The following OPCML variants were observed in gnomAD, a reference collection of about 807,000 sequenced individuals.
The protein encoded by OPCML is opioid binding protein/cell adhesion molecule like, also known as opioid-binding protein/cell adhesion molecule.
In OPCML, 13 loss-of-function variants were observed where a neutral mutation model predicts 37.8. That is an observed-to-expected ratio of 0.34 (90% CI 0.22 to 0.55). The LOEUF (loss-of-function observed/expected upper bound fraction) is 0.55. OPCML is among the 20% of genes least tolerant of loss of function. The pLI, the probability that OPCML is intolerant of heterozygous loss-of-function variation, is 0.91. For synonymous variants in OPCML, 176 were observed against 168.8 expected, an observed-to-expected ratio of 1.04 and a Z score of -0.33; for missense variants, 341 against 435.6, an observed-to-expected ratio of 0.78 and a Z score of 1.93.
At chr11:133,491,505 C>G (rs1947657999) in intron 1 of OPCML, among the ~76,000 whole-genome samples, 1 of 152,308 alleles carries the variant, frequency 6.6e-6, no homozygotes, top group Middle Eastern at 3.4e-3. Context: ...TTCCCCCACC[C>G]TCTCTGCAGA....
At chr11:132,437,536 G>C in intron 4 of OPCML, 177 bp from the exon 5 acceptor site, 5 of 935,138 alleles carry the variant, frequency 5.3e-6, no homozygotes, top group Non-Finnish European at 6.4e-6. Context: ...AAGGAAGAAA[G>C]AAATTCTGTG....
At chr11:133,080,480 T>G (rs532753356) in intron 1 of OPCML, among the ~76,000 whole-genome samples, 31 of 143,456 alleles carry the variant, frequency 2.2e-4, no homozygotes, top group East Asian at 1.6e-3. Flanking sequence ...AAATGTTTTT[T>G]TTTTTTTTTT....
intron 1 of OPCML, chr11:133,024,572 C>T: frequency 1.0e-6 from 1 of 985,348 alleles, no homozygotes; most frequent in African/African-American, 1.7e-5. Flanking sequence ...CAAAGAACTA[C>T]ACAGGGATTT....
intron 1 of OPCML, among the ~76,000 whole-genome samples, chr11:133,373,448 T>TATAC (rs966091785): frequency 4.8e-4 from 63 of 132,172 alleles, no homozygotes; most frequent in African/African-American, 1.6e-3. Context: ...TATATATATA[T>TATAC]ACACACACAC....
At chr11:133,025,555 G>T in intron 1 of OPCML, 1 of 675,034 alleles carries the variant, frequency 1.5e-6, no homozygotes, top group Non-Finnish European at 1.8e-6. Flanking sequence ...AAAAAGAGTG[G>T]TTCGTTTGGG....
At chr11:133,053,675 G>A (rs111793096) in intron 1 of OPCML, among the ~76,000 whole-genome samples, 60 of 151,718 alleles carry the variant, frequency 4.0e-4, no homozygotes, top group African/African-American at 1.3e-3. Context: ...GCACGCTCCA[G>A]GCTTTTCTTC....
intron 1 of OPCML, among the ~76,000 whole-genome samples, chr11:133,283,243 T>C (rs760004975): frequency 1.3e-5 from 2 of 152,140 alleles, no homozygotes; most frequent in Non-Finnish European, 2.9e-5. Flanking sequence ...CCTGGTGGGA[T>C]GCATTTCAGT....
intron 4 of OPCML, among the ~76,000 whole-genome samples, chr11:132,497,859 T>C (rs2137105904): frequency 6.6e-6 from 1 of 152,208 alleles, no homozygotes; most frequent in African/African-American, 2.4e-5. Context: ...TATATGAAAA[T>C]GGGAGGCTAC....
chr11:132,740,995 G>T (rs1945416986), intron 2 of OPCML, among the ~76,000 whole-genome samples: 1 of 152,200 alleles, frequency 6.6e-6, no homozygotes, highest in Non-Finnish European at 1.5e-5. Context: ...ATGACGTGAA[G>T]CTCAAAGTTC....
chr11:133,207,721 G>A (rs1048163670), intron 1 of OPCML, among the ~76,000 whole-genome samples: 1 of 152,168 alleles, frequency 6.6e-6, no homozygotes, highest in Non-Finnish European at 1.5e-5. Context: ...AGACTCAGAT[G>A]GCAATGCCGA....
chr11:133,133,690 C>A (rs1026724194), intron 1 of OPCML, among the ~76,000 whole-genome samples: 1 of 152,184 alleles, frequency 6.6e-6, no homozygotes, highest in Non-Finnish European at 1.5e-5. Context: ...CATGCTGTTT[C>A]TTTAAAAACC....
At position 133,007,901 on chromosome 11, in the gene OPCML, G is replaced by A. The variant is rs74435092; in HGVS notation, c.62-64891C>T. The A allele has an allele frequency of 2.6e-3, 2,515 of 985,430 alleles. 63 individuals are homozygous for A. In the African/African-American group the frequency reaches 0.042, roughly 16 times the overall value. 61.0% of individuals were successfully genotyped at this position (985,430 alleles called of 1,614,324 possible). ...AATGGTTTATGCTTTTCTTGGATAT[G>A]TTGTCCTGCATTTGAGGTCCATTGT... On this transcript the variant is annotated intron_variant, in intron 1 of 7. Transcript: ENST00000524381.
intron 2 of OPCML, among the ~76,000 whole-genome samples, chr11:132,891,958 C>T (rs1876282): frequency 0.29 from 38,263 of 132,652 alleles, 5,069 homozygotes; most frequent in African/African-American, 0.35. Context: ...ACCTGGGCTC[C>T]GTTCCCACCC....
chr11:132,948,309 A>G (rs1051743559), intron 1 of OPCML, among the ~76,000 whole-genome samples: 1 of 152,232 alleles, frequency 6.6e-6, no homozygotes, highest in Admixed American at 6.5e-5. Context: ...GGCCTAGCAC[A>G]TGGTCTTTAT....
rs1360933475 is a variant in OPCML at position 132,418,746 on chromosome 11, C to T, written c.*1447G>A. 6.6e-6 allele frequency: 1 copy of T among 152,412 alleles called. No homozygotes were observed. Among genetic ancestry groups the T allele is most frequent in the Non-Finnish European group, 1.5e-5 (1 of 68,058 alleles). 9.4% of individuals were successfully genotyped at this position (152,412 alleles called of 1,614,324 possible). A position where few individuals can be genotyped will look rare whatever the true frequency, so the allele number is the denominator to read the frequency against. On this transcript the variant is annotated 3_prime_UTR_variant, in exon 8 of 8. Coordinates refer to ENST00000524381, the MANE Select transcript of OPCML (RefSeq NM_001012393.5). ...ATCCCACTCAGGCGGGTGGACTCTT[C>T]ACTTTGCATTGCAGAGACAGATGTG...
At chr11:132,512,704 TTATA>T (rs1216548616) in intron 4 of OPCML, among the ~76,000 whole-genome samples, 1 of 151,902 alleles carries the variant, frequency 6.6e-6, no homozygotes, top group East Asian at 1.9e-4. Flanking sequence ...GTCATGTAGA[TTATA>T]TATACATATA....
chr11:133,307,989 A>C (rs1400533714), intron 1 of OPCML, among the ~76,000 whole-genome samples: 1 of 152,074 alleles, frequency 6.6e-6, no homozygotes, highest in Non-Finnish European at 1.5e-5. Context: ...GTTTAGTGTA[A>C]GAGCTAGAAA....
chr11:132,765,657 T>A lies in OPCML; in HGVS notation c.147-108338A>T, dbSNP rs1946414964. Among the ~76,000 whole-genome samples the A allele has an allele frequency of 2.0e-5, 3 of 152,180 alleles. No individual in the cohort carries two copies. The South Asian group carries it at 6.2e-4, about 32-fold the overall frequency. ...GAGTCCAAATCTATAACAGTCTTTTTCATCAATGAGGAATATGAGTGTGAT... is the reference window on the plus strand; with the variant it reads ...GAGTCCAAATCTATAACAGTCTTTTACATCAATGAGGAATATGAGTGTGAT... On this transcript the variant is annotated intron_variant, in intron 2 of 7. Coordinates refer to ENST00000524381, the MANE Select transcript of OPCML (RefSeq NM_001012393.5).
intron 1 of OPCML, among the ~76,000 whole-genome samples, chr11:133,141,343 C>T (rs1949821280): frequency 6.6e-6 from 1 of 152,032 alleles, no homozygotes; most frequent in Admixed American, 6.6e-5. Flanking sequence ...CTTGCTCTCC[C>T]TCTCCCTTTG....
Sources: gnomAD v4.1 joint callset for allele counts (sites outside exome capture counted in the v4.1 genomes callset) on GRCh38, gnomAD v4.1.1 for gene constraint, MANE v1.5 for transcripts, NCBI Gene and HGNC (gene_info 2026-07-23, HGNC 2026-07-21) for gene names.